The following COL12A1 variants were observed in gnomAD, a reference collection of about 807,000 sequenced individuals.
COL12A1 encodes collagen type XII alpha 1 chain, also known as collagen alpha-1(XII) chain.
COL12A1 carries 114 observed loss-of-function variants against 349.7 expected under a neutral mutation model. That is an observed-to-expected ratio of 0.33 (90% CI 0.28 to 0.38). The LOEUF (loss-of-function observed/expected upper bound fraction) is 0.38, where lower values mean the gene tolerates loss of function less well. Among genes scored for constraint, COL12A1 ranks in the 10% least tolerant of loss-of-function variants. The pLI is 1.00. For synonymous variants in COL12A1, 1,369 were observed against 1,329.0 expected (o/e 1.03, Z -0.66); for missense variants, 3,284 against 3,756.9 (o/e 0.87, Z 3.29).
chr6:75,193,207 T>C (rs760345979), intron 3 of COL12A1, among the ~76,000 whole-genome samples: 4 of 152,140 alleles, frequency 2.6e-5, no homozygotes, highest in African/African-American at 4.8e-5. Flanking sequence ...GTAGCCCCAG[T>C]GCCAGTTTTG....
chr6:75,118,603 A>G (rs1278109480), intron 46 of COL12A1, among the ~76,000 whole-genome samples: 3 of 152,140 alleles, frequency 2.0e-5, no homozygotes, highest in Non-Finnish European at 4.4e-5. Context: ...ACTCCCTAAG[A>G]CCTCAATACT....
chr6:75,151,297 C>T lies in COL12A1; in HGVS notation c.4001-10G>A, dbSNP rs73749974. 7,921 of 1,604,996 alleles carry T rather than the reference C, an allele frequency of 4.9e-3. 265 individuals are homozygous for T. The African/African-American group carries it at 0.083, about 17-fold the overall frequency. On this transcript the variant is annotated splice_polypyrimidine_tract_variant and intron_variant, in intron 20 of 65. Transcript: ENST00000322507. ...TCAGCATTTTTAATACCTTCAAAAA[C>T]GGATATATACAAATTAAAAGCACTT...
Position 75,109,151 on chromosome 6 carries a change from G to T in COL12A1, c.7967C>A (p.Thr2656Asn). The change falls in exon 52 of 66, where the codon ACC (threonine) becomes AAC (asparagine). Residue 2656 changes from threonine to asparagine, a missense_variant. Around this residue, in one of 2 missense-constraint regions of COL12A1, gnomAD observed 683 missense variants for 932.1 expected, o/e 0.73. Transcript: ENST00000322507. Reference protein sequence around the residue: ...GSFHKVHIVVTSKSVKIYIDC... With the variant: ...GSFHKVHIVVNSKSVKIYIDC... Reference sequence around the variant, plus strand: ...AATGTAAATCTTAACACTTTTTGAGGTCACTACAATATGAACCTAAAAAGA... The same window carrying T: ...AATGTAAATCTTAACACTTTTTGAGTTCACTACAATATGAACCTAAAAAGA... 2 of 1,589,328 alleles carry T rather than the reference G, an allele frequency of 1.3e-6. No individual in the cohort carries two copies. Among genetic ancestry groups the T allele is most frequent in the Non-Finnish European group, 1.7e-6 (2 of 1,165,138 alleles).
In COL12A1 at chr6:75,202,788, C is replaced by T. The variant is rs1265886692; in HGVS notation, c.5G>A (p.Arg2Gln). M[R>Q]SRLPPALAAL... ...GGCAAGCGCTGGGGGAAGCCTACTC[C>T]GCATCCTTGGCCTCCGAGCTTACAG... Residue 2 changes from arginine (R) to glutamine (Q), a missense_variant, in exon 2 of 66, where the codon CGG becomes CAG. Physicochemically the swap from Arg to Gln is conservative, Grantham distance 43. This residue lies in a region of COL12A1 where 2,601 missense variants were observed against 2,824.8 expected (regional missense o/e 0.92). Transcript: ENST00000322507. The T allele has an allele frequency of 3.2e-6, 5 of 1,551,618 alleles. No homozygotes were observed. Among genetic ancestry groups the T allele is most frequent in the African/African-American group, 1.4e-5 (1 of 73,042 alleles).
intron 15 of COL12A1, 54 bp downstream of exon 15, chr6:75,156,203 A>C: frequency 2.5e-6 from 4 of 1,589,734 alleles, no homozygotes; most frequent in Non-Finnish European, 3.4e-6. Context: ...TACCAAAGTC[A>C]TCTTTTAAAA....
intron 35 of COL12A1, among the ~76,000 whole-genome samples, chr6:75,131,579 G>A (rs142711696): frequency 3.9e-5 from 6 of 152,130 alleles, no homozygotes; most frequent in Non-Finnish European, 7.4e-5. Context: ...TTTCTAAATT[G>A]TTAGTCTACT....
chr6:75,180,684 G>C (rs1769217635), intron 11 of COL12A1, among the ~76,000 whole-genome samples: 1 of 152,016 alleles, frequency 6.6e-6, no homozygotes, highest in Non-Finnish European at 1.5e-5. Context: ...TATTTCAAAA[G>C]TTAATTCCAT....
rs771583873 is a variant in COL12A1 at position 75,091,452 on chromosome 6, C to T, written c.8685+38G>A. The T allele has an allele frequency of 3.1e-6, 5 of 1,612,450 alleles. No homozygotes were observed. The South Asian group carries it at 5.5e-5, about 18-fold the overall frequency. On this transcript the variant is annotated intron_variant, in intron 61 of 65. Transcript: ENST00000322507. ...TATAGTTTTAGGCTTCAATGTTTAA[C>T]ACACAAAATAAACGTAAGATTTTTT...
rs1196059147 is a variant in COL12A1, at chr6:75,181,180, T to C, written c.1923A>G (p.Ser641=). The change falls in exon 11 of 66, where the codon TCA becomes TCG. Residue 641 remains serine, a synonymous_variant. Transcript: ENST00000322507. Reference sequence around the variant, plus strand: ...TTTTGAAACCATAAGAAGTCACTTCTGAAAAACTAAGATCCTTTGGAGGGA... The same window carrying C: ...TTTTGAAACCATAAGAAGTCACTTCCGAAAAACTAAGATCCTTTGGAGGGA... The part of the protein sequence containing the change: ...AYVPPKDLSF[S]EVTSYGFKTN... 1 of 1,610,914 alleles carries C rather than the reference T, an allele frequency of 6.2e-7. No homozygotes were observed. The highest frequency in any genetic ancestry group is 8.5e-7 in the Non-Finnish European group (1 of 1,179,530).
intron 14 of COL12A1, among the ~76,000 whole-genome samples, chr6:75,164,331 T>C (rs1424020627): frequency 6.6e-6 from 1 of 152,194 alleles, no homozygotes; most frequent in East Asian, 1.9e-4. Flanking sequence ...AAAATCAAGA[T>C]ATAGGACTTA....
rs775109401 is a variant in COL12A1, at chr6:75,091,454, C to A, written c.8685+36G>T. 5 of 1,612,622 alleles carry A rather than the reference C, an allele frequency of 3.1e-6. No homozygotes were observed. In the South Asian group the frequency reaches 5.5e-5, roughly 18 times the overall value. On this transcript the variant is annotated intron_variant, in intron 61 of 65. Coordinates refer to ENST00000322507, the MANE Select transcript of COL12A1 (RefSeq NM_004370.6). ...TAGTTTTAGGCTTCAATGTTTAACA[C>A]ACAAAATAAACGTAAGATTTTTTAA...
chr6:75,158,568 A>G (rs1767872933), intron 14 of COL12A1, among the ~76,000 whole-genome samples: 1 of 152,218 alleles, frequency 6.6e-6, no homozygotes, highest in Non-Finnish European at 1.5e-5. Context: ...CAATAGAAAC[A>G]GAACTAGAAA....
chr6:75,183,756 T>C (rs1334496719), intron 9 of COL12A1, 98 bp downstream of exon 9: 8 of 1,540,292 alleles, frequency 5.2e-6, no homozygotes, highest in South Asian at 2.6e-5. Flanking sequence ...AAAAAACTAT[T>C]GCAAATATTT....
intron 17 of COL12A1, among the ~76,000 whole-genome samples, chr6:75,152,905 G>T (rs1194229548): frequency 6.6e-6 from 1 of 152,052 alleles, no homozygotes; most frequent in African/African-American, 2.4e-5. Context: ...ATTAGATATT[G>T]CATTCTTCTG....
At chr6:75,198,653 G>A (rs1039404908) in intron 2 of COL12A1, among the ~76,000 whole-genome samples, 2 of 151,928 alleles carry the variant, frequency 1.3e-5, no homozygotes, top group South Asian at 4.2e-4. Flanking sequence ...TTTTTAATAG[G>A]GCACCCAAAA....
intron 32 of COL12A1, among the ~76,000 whole-genome samples, 192 bp from the exon 33 acceptor site, chr6:75,134,189 A>G (rs1398083625): frequency 1.3e-5 from 2 of 152,214 alleles, no homozygotes; most frequent in Non-Finnish European, 2.9e-5. Context: ...TCCACAAGAC[A>G]TTTTGGTCTT....
At chr6:75,096,769 G>C (rs1665069023) in intron 59 of COL12A1, among the ~76,000 whole-genome samples, 1 of 151,112 alleles carries the variant, frequency 6.6e-6, no homozygotes, top group Non-Finnish European at 1.5e-5. Context: ...AGTGGCGGGC[G>C]CCTGTAGTCC....
At chr6:75,129,002 T>C (rs1334201718) in intron 37 of COL12A1, among the ~76,000 whole-genome samples, 1 of 152,248 alleles carries the variant, frequency 6.6e-6, no homozygotes, top group Non-Finnish European at 1.5e-5. Context: ...ATCTCTCTTC[T>C]AAACCTATGC....
At chr6:75,129,043 T>G (rs1426801771) in intron 37 of COL12A1, among the ~76,000 whole-genome samples, 2 of 152,242 alleles carry the variant, frequency 1.3e-5, no homozygotes, top group African/African-American at 2.4e-5. Context: ...GGATAAGGTA[T>G]GCCAGTGAAT....
Sources: allele counts gnomAD v4.1 joint callset (sites outside exome capture counted in the v4.1 genomes callset), GRCh38; gene constraint gnomAD v4.1.1; regional missense constraint gnomAD v4.1.1; transcripts MANE v1.5; gene names NCBI Gene and HGNC (gene_info 2026-07-23, HGNC 2026-07-21).